The following PKP4 variants were observed in gnomAD, a reference collection of about 807,000 sequenced individuals.
PKP4 encodes plakophilin 4.
Under a neutral mutation model 145.1 loss-of-function variants are expected in PKP4, and 90 were observed. The observed-to-expected ratio is 0.62, with a 90% CI of 0.52 to 0.74. The LOEUF (loss-of-function observed/expected upper bound fraction) is 0.74. Ranked by LOEUF, PKP4 falls within the 30% of genes least tolerant of loss-of-function variation. The pLI is 0.00. For synonymous variants in PKP4, 563 were observed against 577.2 expected (o/e 0.98, Z 0.35); for missense variants, 1,340 against 1,482.7 (o/e 0.90, Z 1.58).
intron 19 of PKP4, 34 bp downstream of exon 19, chr2:158,674,034 CT>C (rs748962352): frequency 5.3e-6 from 6 of 1,124,586 alleles, no homozygotes; most frequent in Non-Finnish European, 6.8e-6. Context: ...TGGCGAGAAC[CT>C]TTGTGTGACA....
chr2:158,533,495 A>G, intron 2 of PKP4, 179 bp downstream of exon 2: 1 of 721,040 alleles, frequency 1.4e-6, no homozygotes, highest in Non-Finnish European at 2.5e-6. Context: ...TCCAGGTGCC[A>G]GTCAGAATCG....
intron 1 of PKP4, among the ~76,000 whole-genome samples, chr2:158,522,658 C>T (rs1160001480): frequency 6.6e-6 from 1 of 152,216 alleles, no homozygotes; most frequent in Non-Finnish European, 1.5e-5. Flanking sequence ...CAGCTCCGGT[C>T]TACAGCTCCC....
rs555194528 is a variant in PKP4 at position 158,603,557 on chromosome 2, GTCTC to G, written c.280+457_280+460del. The stretch of plus-strand genomic sequence containing the variant: ...ACATAGTGTGGTAGCTTTCCATGTA[GTCTC>G]TCTATCTTTTCTTTTTAACCTAAAT... On this transcript the variant is annotated intron_variant, in intron 4 of 21. Transcript: ENST00000389759. 3.7e-3 allele frequency among the ~76,000 whole-genome samples: 560 copies of G among 152,168 alleles called. 1 individual carries two copies. Among genetic ancestry groups the G allele is most frequent in the African/African-American group, 0.013 (522 of 41,528 alleles).
At position 158,533,240 on chromosome 2, in the gene PKP4, A is replaced by C; in HGVS notation, c.56A>C (p.Gln19Pro). The change falls in exon 2 of 22, where the codon CAG (glutamine) becomes CCG (proline). Residue 19 changes from glutamine (Q) to proline (P), a missense_variant. Transcript: ENST00000389759. The part of the protein sequence containing the change: ...LVEEGQPQTR[Q>P]EAASTGPGME... ...GAGGAGGGGCAACCACAGACCCGCC[A>C]GGAAGCTGCCTCCACTGGCCCAGGC... 6.2e-7 allele frequency: 1 copy of C among 1,614,066 alleles called. No individual in the cohort carries two copies. The highest frequency in any genetic ancestry group is 8.5e-7 in the Non-Finnish European group (1 of 1,180,024).
chr2:158,484,723 C>T (rs1340574647), intron 1 of PKP4, among the ~76,000 whole-genome samples: 4 of 152,124 alleles, frequency 2.6e-5, no homozygotes, highest in Non-Finnish European at 5.9e-5. Context: ...GGATTATCTT[C>T]GCTTATAAAT....
intron 3 of PKP4, among the ~76,000 whole-genome samples, chr2:158,591,837 G>A (rs570983641): frequency 6.6e-6 from 1 of 152,142 alleles, no homozygotes; most frequent in South Asian, 2.1e-4. Context: ...GGCAATGAAT[G>A]GGACAGGGAG....
chr2:158,680,794 A>G lies in PKP4; in HGVS notation c.*117A>G. Reference sequence around the variant, plus strand: ...GAAAGTGAAGTGGAAGGAATGAATGAAGTGTGTTTTTTTTTTCTTTTTTGA... The same window carrying G: ...GAAAGTGAAGTGGAAGGAATGAATGGAGTGTGTTTTTTTTTTCTTTTTTGA... On this transcript the variant is annotated 3_prime_UTR_variant, in exon 22 of 22. Coordinates refer to ENST00000389759, the MANE Select transcript of PKP4 (RefSeq NM_003628.6). 1 of 971,774 alleles carries G rather than the reference A, an allele frequency of 1.0e-6. No homozygotes were observed. The highest frequency in any genetic ancestry group is 1.5e-6 in the Non-Finnish European group (1 of 651,288). 60.2% of individuals were successfully genotyped at this position (971,774 alleles called of 1,614,324 possible).
At chr2:158,544,077 C>T (rs992297505) in intron 2 of PKP4, among the ~76,000 whole-genome samples, 2 of 152,172 alleles carry the variant, frequency 1.3e-5, no homozygotes, top group Non-Finnish European at 2.9e-5. Flanking sequence ...GAATTCTCCT[C>T]CCCACCCCTA....
chr2:158,470,317 A>G (rs1402080204), intron 1 of PKP4, among the ~76,000 whole-genome samples: 2 of 152,112 alleles, frequency 1.3e-5, no homozygotes, highest in Non-Finnish European at 2.9e-5. Context: ...GACCTACCAT[A>G]TAAGGCCCGT....
intron 11 of PKP4, among the ~76,000 whole-genome samples, chr2:158,648,394 G>A (rs1202734547): frequency 6.6e-6 from 1 of 152,174 alleles, no homozygotes; most frequent in Non-Finnish European, 1.5e-5. Flanking sequence ...CCAGGCTAAG[G>A]TTTAACAAAG....
At chr2:158,579,885 C>G (rs574053334) in intron 3 of PKP4, among the ~76,000 whole-genome samples, 2 of 151,686 alleles carry the variant, frequency 1.3e-5, no homozygotes, top group African/African-American at 2.4e-5. Flanking sequence ...ATATATATAG[C>G]AATACTGCAT....
At chr2:158,679,748 T>C (rs893090342) in intron 21 of PKP4, among the ~76,000 whole-genome samples, 1 of 152,250 alleles carries the variant, frequency 6.6e-6, no homozygotes, top group Non-Finnish European at 1.5e-5. Context: ...ACAGATGGAC[T>C]TAGCCCTGGC....
intron 21 of PKP4, 82 bp downstream of exon 21, chr2:158,678,736 C>A: frequency 2.2e-6 from 2 of 922,226 alleles, no homozygotes; most frequent in Non-Finnish European, 3.6e-6. Context: ...CTTCCCAGAG[C>A]TGGGCCAACA....
intron 3 of PKP4, among the ~76,000 whole-genome samples, chr2:158,595,720 A>G (rs998036310): frequency 8.5e-5 from 13 of 152,236 alleles, no homozygotes; most frequent in African/African-American, 2.9e-4. Context: ...AGTGTTTGAC[A>G]GAATGTGTTA....
At chr2:158,537,856 CT>C (rs2044183516) in intron 2 of PKP4, among the ~76,000 whole-genome samples, 1 of 152,080 alleles carries the variant, frequency 6.6e-6, no homozygotes, top group Admixed American at 6.5e-5. Context: ...GACAAAAACC[CT>C]GTCTCTACAA....
intron 1 of PKP4, among the ~76,000 whole-genome samples, chr2:158,490,350 TA>T (rs201525473): frequency 0.24 from 30,311 of 126,740 alleles, 3,577 homozygotes; most frequent in Middle Eastern, 0.41. Context: ...CAAATTGATT[TA>T]AAAAAAAAAA....
chr2:158,606,428 G>A (rs1439265275), intron 4 of PKP4, among the ~76,000 whole-genome samples: 1 of 152,036 alleles, frequency 6.6e-6, no homozygotes, highest in African/African-American at 2.4e-5. Context: ...CCGTCCTAGT[G>A]GGTGTGAAGT....
Position 158,666,485 on chromosome 2 carries a change from G to A in PKP4, c.2650G>A (p.Asp884Asn), listed in dbSNP as rs2057097143. The change falls in exon 16 of 22, where the codon GAT becomes AAT. Residue 884 changes from aspartate to asparagine, a missense_variant. By Grantham distance (23) the Asp-to-Asn change is conservative. Coordinates refer to ENST00000389759, the MANE Select transcript of PKP4 (RefSeq NM_003628.6). Reference protein sequence around the residue: ...LPILVELLRMDNDRVVSSVAT... With the variant: ...LPILVELLRMNNDRVVSSVAT... ...CATCCTTGTGGAGCTTCTGAGAATG[G>A]ATAACGATAGAGTTGTTTCTTCCGT... 1 of 1,613,626 alleles carries A rather than the reference G, an allele frequency of 6.2e-7. No individual in the cohort carries two copies. The highest frequency in any genetic ancestry group is 1.1e-5 in the South Asian group (1 of 90,920).
chr2:158,599,983 C>T (rs1475313140), intron 3 of PKP4, among the ~76,000 whole-genome samples: 2 of 152,086 alleles, frequency 1.3e-5, no homozygotes, highest in Non-Finnish European at 2.9e-5. Flanking sequence ...ATATTTTTGC[C>T]TCCATTTGCA....
Sources: allele counts gnomAD v4.1 joint callset (sites outside exome capture counted in the v4.1 genomes callset), GRCh38; gene constraint gnomAD v4.1.1; transcripts MANE v1.5; gene names NCBI Gene and HGNC (gene_info 2026-07-23, HGNC 2026-07-21).